The following ANO4 variants were observed in gnomAD, a reference collection of about 807,000 sequenced individuals.
ANO4 encodes anoctamin-4.
A neutral mutation model predicts 141.9 loss-of-function variants in ANO4; 69 were observed. That is an observed-to-expected ratio of 0.49 (90% CI 0.40 to 0.59). ANO4 has a LOEUF of 0.59. Among genes scored for constraint, ANO4 ranks in the 20% least tolerant of loss-of-function variants. ANO4 has a pLI of 0.00. For synonymous variants in ANO4, 350 were observed against 394.3 expected (o/e 0.89, Z 1.33); for missense variants, 894 against 1,162.2 (o/e 0.77, Z 3.36).
intron 1 of ANO4, among the ~76,000 whole-genome samples, chr12:100,857,264 C>A (rs1229869203): frequency 1.3e-5 from 2 of 152,106 alleles, no homozygotes; most frequent in Admixed American, 6.6e-5. Flanking sequence ...AGAAAACCTT[C>A]TTAAGTGGAC....
chr12:100,779,040 C>T (rs1038323703), intron 3 of ANO4, among the ~76,000 whole-genome samples: 1 of 150,696 alleles, frequency 6.6e-6, no homozygotes, highest in Non-Finnish European at 1.5e-5. Flanking sequence ...ATTACTACTA[C>T]TATGACCAAA....
At chr12:100,785,512 G>T (rs1478128930) in intron 3 of ANO4, among the ~76,000 whole-genome samples, 1 of 152,150 alleles carries the variant, frequency 6.6e-6, no homozygotes, top group Non-Finnish European at 1.5e-5. Flanking sequence ...AGCCTTCTCA[G>T]ATTGGCTTCT....
intron 7 of ANO4, 43 bp from the exon 8 acceptor site, chr12:100,987,496 C>T (rs1486660137): frequency 6.3e-7 from 1 of 1,599,706 alleles, no homozygotes; most frequent in Non-Finnish European, 8.5e-7. Context: ...CAGGGCATTG[C>T]TGACATGCTG....
intron 8 of ANO4, among the ~76,000 whole-genome samples, chr12:101,000,048 TAAA>T (rs34706681): frequency 8.2e-6 from 1 of 122,674 alleles, no homozygotes; most frequent in Non-Finnish European, 1.7e-5. Context: ...GACTCCATCT[TAAA>T]AAAAAAAAAA....
At chr12:100,759,685 A>G (rs938887357) in intron 3 of ANO4, among the ~76,000 whole-genome samples, 5 of 152,158 alleles carry the variant, frequency 3.3e-5, no homozygotes, top group African/African-American at 1.2e-4. Context: ...TTCTTAGCAC[A>G]TTTCTTAGGA....
rs190902313 is a variant in ANO4, at chr12:100,983,563, G to A, written c.603-3976G>A. Among the ~76,000 whole-genome samples, 17 of 152,316 alleles carry A rather than the reference G, an allele frequency of 1.1e-4. No homozygotes were observed. In the South Asian group the frequency reaches 1.7e-3, roughly 15 times the overall value. On this transcript the variant is annotated intron_variant, in intron 7 of 27. Transcript: ENST00000392977. The stretch of plus-strand genomic sequence containing the variant: ...ATTCAGTTCATGTAATCATAGGACT[G>A]AGATCTCCATTTCTTTATTGGCTGA...
At chr12:101,042,517 G>A (rs1487031139) in intron 12 of ANO4, 49 bp downstream of exon 12, 2 of 1,607,272 alleles carry the variant, frequency 1.2e-6, no homozygotes, top group East Asian at 2.2e-5. Flanking sequence ...ACTTAGAGGT[G>A]GCTGTTTGCA....
At chr12:101,071,884 A>G (rs1235974665) in intron 14 of ANO4, among the ~76,000 whole-genome samples, 1 of 152,156 alleles carries the variant, frequency 6.6e-6, no homozygotes. Context: ...CAGCATTTTA[A>G]CCCTTCCTTG....
intron 1 of ANO4, among the ~76,000 whole-genome samples, chr12:100,809,046 C>A (rs1000449010): frequency 6.6e-6 from 1 of 152,110 alleles, no homozygotes; most frequent in Admixed American, 6.5e-5. Flanking sequence ...GACATGATCC[C>A]TTTCATTGAA....
At chr12:100,971,107 C>A (rs909903325) in intron 5 of ANO4, among the ~76,000 whole-genome samples, 199 bp from the exon 6 acceptor site, 2 of 152,196 alleles carry the variant, frequency 1.3e-5, no homozygotes, top group Admixed American at 1.3e-4. Context: ...ACAGCTGGGT[C>A]TCCAGCTGAC....
At chr12:100,718,008 A>G (rs2030692322) in intron 1 of ANO4, among the ~76,000 whole-genome samples, 1 of 152,206 alleles carries the variant, frequency 6.6e-6, no homozygotes, top group African/African-American at 2.4e-5. Flanking sequence ...TCTCTGACAG[A>G]TGCTGTGGAG....
chr12:100,952,581 A>G (rs929706199), intron 5 of ANO4, among the ~76,000 whole-genome samples: 1 of 152,168 alleles, frequency 6.6e-6, no homozygotes, highest in African/African-American at 2.4e-5. Flanking sequence ...CAAGAGATAT[A>G]ACGATAAGTC....
intron 1 of ANO4, among the ~76,000 whole-genome samples, chr12:100,863,350 G>C (rs1383748389): frequency 6.6e-6 from 1 of 152,156 alleles, no homozygotes; most frequent in Non-Finnish European, 1.5e-5. Context: ...TGACCAGTTA[G>C]ACATCTGTTA....
chr12:101,086,631 G>C, intron 16 of ANO4, 29 bp from the exon 17 acceptor site: 1 of 1,612,182 alleles, frequency 6.2e-7, no homozygotes, highest in South Asian at 1.1e-5. Context: ...CCACCAAGAG[G>C]TTCACCGGGT....
intron 14 of ANO4, 100 bp from the exon 15 acceptor site, chr12:101,079,093 A>G (rs774189815): frequency 2.8e-5 from 28 of 999,346 alleles, no homozygotes; most frequent in Non-Finnish European, 4.4e-5. Flanking sequence ...TACACTAACA[A>G]CTGTCATTCT....
chr12:100,989,609 GGATGGATGGATA>G (rs1382021272), intron 8 of ANO4, among the ~76,000 whole-genome samples: 40 of 91,892 alleles, frequency 4.4e-4, no homozygotes, highest in East Asian at 3.6e-3. Context: ...ATAGGTCACT[GGATGGATGGATA>G]GATGGATGGA....
intron 9 of ANO4, 125 bp downstream of exon 9, chr12:101,020,265 C>A (rs908725301): frequency 1.6e-6 from 1 of 637,156 alleles, no homozygotes; most frequent in Non-Finnish European, 2.7e-6. Context: ...CCTAACTAAT[C>A]CTTTGATGAA....
intron 1 of ANO4, among the ~76,000 whole-genome samples, chr12:100,855,858 T>C (rs996621926): frequency 2.0e-5 from 3 of 152,134 alleles, no homozygotes; most frequent in African/African-American, 7.2e-5. Flanking sequence ...TGCTTCAAGT[T>C]TCAAGGAATT....
intron 3 of ANO4, among the ~76,000 whole-genome samples, chr12:100,925,645 TA>T (rs67384264): frequency 2.8e-4 from 41 of 147,804 alleles, no homozygotes; most frequent in East Asian, 6.0e-4. Context: ...AAAGTATAAT[TA>T]AAAAAAAAAG....
Sources: allele counts gnomAD v4.1 joint callset (sites outside exome capture counted in the v4.1 genomes callset), GRCh38; gene constraint gnomAD v4.1.1; transcripts MANE v1.5; gene names NCBI Gene and HGNC (gene_info 2026-07-23, HGNC 2026-07-21).